CAMKMT: variants seen among roughly 807,000 people sequenced by gnomAD.
CAMKMT encodes the protein CaM KMT.
In CAMKMT, 53 loss-of-function variants were observed where a neutral mutation model predicts 48.0. The ratio of observed to expected loss-of-function variants is 1.10; its 90% confidence interval spans 0.89 to 1.39. The LOEUF (loss-of-function observed/expected upper bound fraction) is 1.39. Ranked by LOEUF, CAMKMT falls within the 40% of genes most tolerant of loss-of-function variation. The pLI is 0.00. For missense variants in CAMKMT, 428 were observed against 402.7 expected, an observed-to-expected ratio of 1.06 and a Z score of -0.54; for synonymous variants, 165 against 152.3, an observed-to-expected ratio of 1.08 and a Z score of -0.61.
At chr2:44,550,660 T>A (rs1160989078) in intron 3 of CAMKMT, 1 of 152,200 alleles carries the variant, frequency 6.6e-6, no homozygotes, top group Non-Finnish European at 1.5e-5. Flanking sequence ...TACCAAGATC[T>A]ATTGACCATC....
At chr2:44,694,123 C>T (rs1022451708) in intron 3 of CAMKMT, among the ~76,000 whole-genome samples, 19 of 152,044 alleles carry the variant, frequency 1.2e-4, no homozygotes, top group Admixed American at 3.9e-4. Flanking sequence ...TCCTCCAGGA[C>T]GAACTATGAG....
chr2:44,477,471 A>G (rs1341581617), intron 3 of CAMKMT, among the ~76,000 whole-genome samples: 1 of 152,222 alleles, frequency 6.6e-6, no homozygotes, highest in Non-Finnish European at 1.5e-5. Context: ...TTGATAAAAC[A>G]GTTTAAAGCT....
chr2:44,396,745 A>G (rs1572751851), intron 3 of CAMKMT, among the ~76,000 whole-genome samples: 1 of 151,458 alleles, frequency 6.6e-6, no homozygotes, highest in South Asian at 2.1e-4. Context: ...CCTTTCTAAA[A>G]AAAAAAAAAA....
chr2:44,583,843 T>G (rs1423255921), intron 3 of CAMKMT, among the ~76,000 whole-genome samples: 1 of 152,024 alleles, frequency 6.6e-6, no homozygotes, highest in East Asian at 1.9e-4. Context: ...AGACAAAAAA[T>G]AAAATGCACA....
chr2:44,483,249 T>G (rs1669062020), intron 3 of CAMKMT, among the ~76,000 whole-genome samples: 1 of 152,178 alleles, frequency 6.6e-6, no homozygotes, highest in Non-Finnish European at 1.5e-5. Flanking sequence ...TAAAGTCAAC[T>G]TTTCATTTAA....
At chr2:44,702,024 A>G (rs1677287974) in intron 3 of CAMKMT, among the ~76,000 whole-genome samples, 1 of 151,934 alleles carries the variant, frequency 6.6e-6, no homozygotes. Context: ...AGCCTCTATA[A>G]TTTTTTGAGA....
chr2:44,646,101 G>C (rs1200267048), intron 3 of CAMKMT, among the ~76,000 whole-genome samples: 1 of 152,152 alleles, frequency 6.6e-6, no homozygotes, highest in East Asian at 1.9e-4. Context: ...AGAACAGTCA[G>C]AGAGCTTCGT....
intron 2 of CAMKMT, among the ~76,000 whole-genome samples, chr2:44,389,508 G>A (rs1207986400): frequency 6.6e-6 from 1 of 152,088 alleles, no homozygotes; most frequent in East Asian, 1.9e-4. Context: ...AACTTCAGCT[G>A]TAAATTATAT....
At chr2:44,400,312 A>G (rs1682246153) in intron 3 of CAMKMT, among the ~76,000 whole-genome samples, 1 of 152,198 alleles carries the variant, frequency 6.6e-6, no homozygotes, top group South Asian at 2.1e-4. Flanking sequence ...AAAATCAGAA[A>G]TATTCACATA....
chr2:44,766,484 A>G lies in CAMKMT; in HGVS notation c.817A>G (p.Asn273Asp). ...RRGNTLNQFC[N>D]LAEKAGFCIQ... Reference sequence around the variant, plus strand: ...AGGGAATACTTTAAACCAGTTTTGCAATCTAGCTGAAAAAGCTGGTTTCTG... The same window carrying G: ...AGGGAATACTTTAAACCAGTTTTGCGATCTAGCTGAAAAAGCTGGTTTCTG... Residue 273 changes from asparagine (N) to aspartate (D), a missense_variant, in exon 10 of 11, where the codon AAT becomes GAT. By Grantham distance (23) the Asn-to-Asp change is conservative. Transcript: ENST00000378494. The G allele has an allele frequency of 6.2e-7, 1 of 1,614,188 alleles. No individual in the cohort carries two copies. Among genetic ancestry groups the G allele is most frequent in the Non-Finnish European group, 8.5e-7 (1 of 1,180,012 alleles).
chr2:44,623,849 A>G (rs1355386420), intron 3 of CAMKMT, among the ~76,000 whole-genome samples: 1 of 152,186 alleles, frequency 6.6e-6, no homozygotes, highest in Non-Finnish European at 1.5e-5. Context: ...TTGTCACTAT[A>G]GTTTAGACTG....
intron 3 of CAMKMT, among the ~76,000 whole-genome samples, chr2:44,630,944 A>C (rs1221138133): frequency 6.6e-6 from 1 of 151,910 alleles, no homozygotes; most frequent in Admixed American, 6.6e-5. Context: ...AGACACATGC[A>C]CACGTATGTT....
chr2:44,379,016 GA>G (rs1270212119), intron 2 of CAMKMT, among the ~76,000 whole-genome samples: 2 of 152,096 alleles, frequency 1.3e-5, no homozygotes, highest in Non-Finnish European at 2.9e-5. Context: ...CACTATTCCA[GA>G]ACTTTTTCAT....
At chr2:44,639,549 G>C (rs1266245995) in intron 3 of CAMKMT, among the ~76,000 whole-genome samples, 3 of 152,216 alleles carry the variant, frequency 2.0e-5, no homozygotes, top group Admixed American at 2.0e-4. Flanking sequence ...GTTATAATCA[G>C]TGACTTGCTA....
intron 3 of CAMKMT, among the ~76,000 whole-genome samples, chr2:44,575,811 A>G (rs1471087681): frequency 6.6e-6 from 1 of 151,150 alleles, no homozygotes; most frequent in East Asian, 2.0e-4. Context: ...CAGCCATGTA[A>G]CTGCACCACT....
intron 9 of CAMKMT, among the ~76,000 whole-genome samples, chr2:44,755,495 T>C (rs900761931): frequency 6.6e-6 from 1 of 152,142 alleles, no homozygotes; most frequent in Admixed American, 6.5e-5. Flanking sequence ...AATATAATGC[T>C]TTCAAGGACT....
intron 3 of CAMKMT, among the ~76,000 whole-genome samples, chr2:44,659,508 T>A (rs1674563990): frequency 6.8e-6 from 1 of 146,956 alleles, no homozygotes; most frequent in Non-Finnish European, 1.5e-5. Context: ...GGTGGGAGGA[T>A]CCTCTGAGCT....
chr2:44,440,886 C>G (rs1020176170), intron 3 of CAMKMT, among the ~76,000 whole-genome samples: 1 of 152,168 alleles, frequency 6.6e-6, no homozygotes, highest in Middle Eastern at 3.4e-3. Context: ...CCCTCTTTTA[C>G]TTGGTGTAGT....
intron 3 of CAMKMT, among the ~76,000 whole-genome samples, chr2:44,456,358 G>T (rs533658797): frequency 6.6e-6 from 1 of 152,220 alleles, no homozygotes; most frequent in African/African-American, 2.4e-5. Context: ...TCTATATATT[G>T]TAAAGAATAG....
Sources: gnomAD v4.1 joint callset for allele counts (sites outside exome capture counted in the v4.1 genomes callset) on GRCh38, gnomAD v4.1.1 for gene constraint, MANE v1.5 for transcripts, NCBI Gene and HGNC (gene_info 2026-07-23, HGNC 2026-07-21) for gene names.